Variants in NMNAT1 observed in about 807,000 individuals in gnomAD.
The protein encoded by NMNAT1 is nicotinamide/nicotinic acid mononucleotide adenylyltransferase 1.
Under a neutral mutation model 16.7 loss-of-function variants are expected in NMNAT1, and 11 were observed. The observed-to-expected ratio is 0.66, with a 90% CI of 0.41 to 1.09. The LOEUF (loss-of-function observed/expected upper bound fraction) is 1.09, where lower values mean the gene tolerates loss of function less well. Among genes scored for constraint, NMNAT1 ranks in the 50% least tolerant of loss-of-function variants. The pLI, the probability that NMNAT1 is intolerant of heterozygous loss-of-function variation, is 0.00. For missense variants in NMNAT1, 280 were observed against 332.3 expected (o/e 0.84, Z 1.22); for synonymous variants, 110 against 119.8 (o/e 0.92, Z 0.53).
intron 1 of NMNAT1, among the ~76,000 whole-genome samples, chr1:9,959,895 C>T (rs896926748): frequency 1.1e-4 from 17 of 152,018 alleles, no homozygotes; most frequent in African/African-American, 3.9e-4. Flanking sequence ...AAAATATACC[C>T]CCAAGAGTAT....
At chr1:9,994,714 G>A in the NMNAT1 span, among the ~76,000 whole-genome samples, 6 of 149,280 alleles carry the variant, frequency 4.0e-5, no homozygotes, top group East Asian at 4.0e-4. Context: ...CTGGGTTCAC[G>A]CATTCTCCTG....
intron 1 of NMNAT1, among the ~76,000 whole-genome samples, chr1:9,961,664 T>A (rs992114358): frequency 2.0e-5 from 3 of 152,182 alleles, no homozygotes; most frequent in Non-Finnish European, 4.4e-5. Flanking sequence ...AACTCATTTT[T>A]TTCTAATGCC....
At chr1:9,963,414 T>A (rs1641470445) in intron 1 of NMNAT1, among the ~76,000 whole-genome samples, 1 of 147,356 alleles carries the variant, frequency 6.8e-6, no homozygotes, top group African/African-American at 2.5e-5. Context: ...CACTATTTCT[T>A]TTTTTTTTTT....
At chr1:9,951,978 T>C (rs996513192) in intron 1 of NMNAT1, among the ~76,000 whole-genome samples, 2 of 152,172 alleles carry the variant, frequency 1.3e-5, no homozygotes, top group East Asian at 1.9e-4. Flanking sequence ...AGACATATTA[T>C]TTACAGCCAA....
intron 1 of NMNAT1, among the ~76,000 whole-genome samples, chr1:9,953,425 C>A (rs1374985708): frequency 6.7e-6 from 1 of 148,636 alleles, no homozygotes; most frequent in South Asian, 2.2e-4. Context: ...TACAGGCCTG[C>A]ACCACCACAC....
At position 9,982,567 on chromosome 1, in the gene NMNAT1, A is replaced by G. The variant is rs750991383; in HGVS notation, c.706A>G (p.Ile236Val). 1.9e-6 allele frequency: 3 copies of G among 1,614,212 alleles called. No individual in the cohort carries two copies. The highest frequency in any genetic ancestry group is 3.3e-4 in the Middle Eastern group (2 of 6,062). The stretch of plus-strand genomic sequence containing the variant: ...GAGAGCCCTCAGAAGGGGCCAGAGC[A>G]TTCGCTACTTGGTACCAGATCTTGT... ...IRRALRRGQSIRYLVPDLVQE... is the reference protein window; with the variant it reads ...IRRALRRGQSVRYLVPDLVQE... Residue 236 changes from isoleucine to valine, a missense_variant, in exon 5 of 5, where the codon ATT (isoleucine) becomes GTT (valine). By Grantham distance (29) the Ile-to-Val change is conservative. Transcript: ENST00000377205.
intron 1 of NMNAT1, among the ~76,000 whole-genome samples, chr1:9,968,082 T>TTTTTTTTTTTG (rs1436017444): frequency 5.2e-5 from 7 of 133,392 alleles, no homozygotes; most frequent in African/African-American, 1.0e-4. Context: ...TTTTTTTTGT[T>TTTTTTTTTTTG]TTTTTTTGAG....
rs780174988 is a variant in NMNAT1, at chr1:9,975,574, AC to A, written c.116-16del. On this transcript the variant is annotated splice_polypyrimidine_tract_variant and intron_variant, in intron 2 of 4. Coordinates refer to ENST00000377205, the MANE Select transcript of NMNAT1 (RefSeq NM_022787.4). ...TCTAATTTGTTATACCTAGTGTGAA[AC>A]CTAACTTTTTATCTAGGAAGGTACA... The A allele has an allele frequency of 6.3e-7, 1 of 1,582,594 alleles. No individual in the cohort carries two copies. The highest frequency in any genetic ancestry group is 8.6e-7 in the Non-Finnish European group (1 of 1,163,960).
At chr1:9,948,468 T>G (rs114887438) in intron 1 of NMNAT1, among the ~76,000 whole-genome samples, 1 of 151,898 alleles carries the variant, frequency 6.6e-6, no homozygotes. Context: ...TCCCAGCTAC[T>G]TGGGGTAAGG....
At chr1:9,959,373 GAAAAAAAAAAAAA>G (rs70998331) in intron 1 of NMNAT1, among the ~76,000 whole-genome samples, 1 of 117,614 alleles carries the variant, frequency 8.5e-6, no homozygotes, top group African/African-American at 3.3e-5. Flanking sequence ...CTCCATCTTG[GAAAAAAAAAAAAA>G]AAAAAAAAAA....
rs11806801 is a variant in NMNAT1, at chr1:9,969,955, G to A, written c.-56-2063G>A. Among the ~76,000 whole-genome samples, 737 of 152,148 alleles carry A rather than the reference G, an allele frequency of 4.8e-3. 9 individuals carry two copies. The highest frequency in any genetic ancestry group is 0.017 in the African/African-American group (690 of 41,508). ...GCACTGTGAAATTTCAGAACACTGCGGACAAAGAGAAGACCTTACATGCTT... is the reference window on the plus strand; with the variant it reads ...GCACTGTGAAATTTCAGAACACTGCAGACAAAGAGAAGACCTTACATGCTT... On this transcript the variant is annotated intron_variant, in intron 1 of 4. Coordinates refer to ENST00000377205, the MANE Select transcript of NMNAT1 (RefSeq NM_022787.4).
At chr1:9,981,297 T>G (rs534782825) in intron 4 of NMNAT1, 127 bp downstream of exon 4, 2 of 1,412,692 alleles carry the variant, frequency 1.4e-6, no homozygotes, top group East Asian at 5.5e-5. Flanking sequence ...TGCAGTGGCA[T>G]GATCTCAGCT....
In NMNAT1 at chr1:9,982,801, A is replaced by T. The variant is rs1383820389; in HGVS notation, c.*100A>T. On this transcript the variant is annotated 3_prime_UTR_variant, in exon 5 of 5. Coordinates refer to ENST00000377205, the MANE Select transcript of NMNAT1 (RefSeq NM_022787.4). Reference sequence around the variant, plus strand: ...GAAGTTGTGATCTGTTGCCTAAACTAAAGCTTAAAAGTTTAGTAAAAATCG... The same window carrying T: ...GAAGTTGTGATCTGTTGCCTAAACTTAAGCTTAAAAGTTTAGTAAAAATCG... The T allele has an allele frequency of 3.9e-6, 5 of 1,265,920 alleles. No individual in the cohort carries two copies. In the African/African-American group the frequency reaches 7.5e-5, roughly 19 times the overall value. The allele number at this position is 1,265,920 out of a possible 1,614,324, so 78.4% of individuals were successfully genotyped here. A position where few individuals can be genotyped will look rare whatever the true frequency, so the allele number is the denominator to read the frequency against.
chr1:9,974,280 CA>C (rs1641757739), intron 2 of NMNAT1, among the ~76,000 whole-genome samples: 1 of 151,078 alleles, frequency 6.6e-6, no homozygotes, highest in South Asian at 2.1e-4. Context: ...GGCTGGAGTA[CA>C]GTGGCATGAT....
intron 2 of NMNAT1, among the ~76,000 whole-genome samples, chr1:9,973,105 T>C (rs984474240): frequency 6.6e-6 from 1 of 152,162 alleles, no homozygotes; most frequent in Non-Finnish European, 1.5e-5. Context: ...TTTAAAAGTT[T>C]TCTTTTTTCT....
At chr1:9,959,554 G>A (rs1263277215) in intron 1 of NMNAT1, among the ~76,000 whole-genome samples, 2 of 151,770 alleles carry the variant, frequency 1.3e-5, no homozygotes, top group African/African-American at 2.4e-5. Flanking sequence ...GGTGGCATGC[G>A]CCTGTAATCC....
chr1:9,978,877 G>T (rs909135203), intron 3 of NMNAT1, among the ~76,000 whole-genome samples: 2 of 152,156 alleles, frequency 1.3e-5, no homozygotes, highest in African/African-American at 2.4e-5. Context: ...TTCCTTTAAG[G>T]CCTCAGGCCC....
At chr1:9,994,693 A>C in the NMNAT1 span, among the ~76,000 whole-genome samples, 1 of 149,490 alleles carries the variant, frequency 6.7e-6, no homozygotes, top group African/African-American at 2.5e-5. Flanking sequence ...GCTCACTGCA[A>C]GCTCCGCCTC....
chr1:9,956,233 G>A (rs1005972662), intron 1 of NMNAT1, among the ~76,000 whole-genome samples: 9 of 148,916 alleles, frequency 6.0e-5, no homozygotes, highest in African/African-American at 1.7e-4. Context: ...GCAGTGGTGC[G>A]ATCTCTGCTC....
Sources: allele counts gnomAD v4.1 joint callset (sites outside exome capture counted in the v4.1 genomes callset), GRCh38; gene constraint gnomAD v4.1.1; transcripts MANE v1.5; gene names NCBI Gene and HGNC (gene_info 2026-07-23, HGNC 2026-07-21).